CHFR: variants seen among roughly 807,000 people sequenced by gnomAD.
CHFR encodes E3 ubiquitin-protein ligase CHFR.
In CHFR, 57 loss-of-function variants were observed where a neutral mutation model predicts 87.6. The ratio of observed to expected loss-of-function variants is 0.65; its 90% CI spans 0.53 to 0.81. CHFR has a LOEUF of 0.81. CHFR is among the 30% of genes least tolerant of loss of function. CHFR has a pLI of 0.00. For synonymous variants in CHFR, 381 were observed against 359.2 expected, an observed-to-expected ratio of 1.06 and a Z score of -0.69; for missense variants, 797 against 865.8, an observed-to-expected ratio of 0.92 and a Z score of 1.00.
chr12:132,835,750 C>A lies in CHFR; in HGVS notation c.*5804G>T. On this transcript the variant is annotated 3_prime_UTR_variant, in exon 18 of 18. Coordinates refer to ENST00000450056, the MANE Select transcript of CHFR (RefSeq NM_001161346.2). ...TTTTGATCCAGCGGCCCAAGTGGAC[C>A]CACATTCAAGGCCAGCACTGGGCAG... 3.7e-6 allele frequency: 1 copy of A among 270,578 alleles called. No homozygotes were observed. 16.8% of individuals were successfully genotyped at this position (270,578 alleles called of 1,614,324 possible).
At chr12:132,880,038 C>T (rs1285145799) in intron 2 of CHFR, among the ~76,000 whole-genome samples, 1 of 152,050 alleles carries the variant, frequency 6.6e-6, no homozygotes, top group Admixed American at 6.6e-5. Flanking sequence ...AGTCAAAATC[C>T]CAGAGGGCTT....
chr12:132,859,051 G>T lies in CHFR; in HGVS notation c.911+17C>A. The T allele has an allele frequency of 6.2e-7, 1 of 1,608,834 alleles. No individual in the cohort carries two copies. The highest frequency in any genetic ancestry group is 8.5e-7 in the Non-Finnish European group (1 of 1,176,896). Reference sequence around the variant, plus strand: ...GCAGTGCCATGTTCCGTGAGCCAAGGGTGAACACGGTCGCACCTCACGCAG... The same window carrying T: ...GCAGTGCCATGTTCCGTGAGCCAAGTGTGAACACGGTCGCACCTCACGCAG... On this transcript the variant is annotated intron_variant, in intron 8 of 17. Coordinates refer to ENST00000450056, the MANE Select transcript of CHFR (RefSeq NM_001161346.2).
intron 2 of CHFR, among the ~76,000 whole-genome samples, chr12:132,878,582 C>T (rs1484237427): frequency 1.3e-5 from 2 of 150,120 alleles, no homozygotes; most frequent in African/African-American, 4.9e-5. Flanking sequence ...CGGTGGCTCA[C>T]ACCGAGGCGG....
intron 6 of CHFR, among the ~76,000 whole-genome samples, chr12:132,863,430 C>T (rs1722475703): frequency 6.6e-6 from 1 of 151,920 alleles, no homozygotes; most frequent in African/African-American, 2.4e-5. Context: ...TGCTTGAACC[C>T]AGGAGGCGGA....
chr12:132,871,982 A>C, intron 4 of CHFR: 1 of 325,810 alleles, frequency 3.1e-6, no homozygotes, highest in South Asian at 8.8e-5. Context: ...TATTCCCCAT[A>C]ACTCAAGTTC....
chr12:132,841,877 C>T (rs1433174710), intron 17 of CHFR, among the ~76,000 whole-genome samples: 2 of 152,042 alleles, frequency 1.3e-5, no homozygotes, highest in Non-Finnish European at 2.9e-5. Context: ...GAGGCCGAGG[C>T]GGGCGGATCA....
rs998173223 is a variant in CHFR at position 132,869,739 on chromosome 12, C to T, written c.463G>A (p.Ala155Thr). The change falls in exon 6 of 18, where the codon GCC becomes ACC. Residue 155 changes from alanine (A) to threonine (T), a missense_variant. Transcript: ENST00000450056. Reference protein sequence around the residue: ...ADPRVPPSSPATQVCFEEPQP... With the variant: ...ADPRVPPSSPTTQVCFEEPQP... ...GGTTCCTCAAAGCACACCTGAGTGGCGGGCGACGACGGAGGGACCCGGGGA... is the reference window on the plus strand; with the variant it reads ...GGTTCCTCAAAGCACACCTGAGTGGTGGGCGACGACGGAGGGACCCGGGGA... 29 of 1,551,392 alleles carry T rather than the reference C, an allele frequency of 1.9e-5. No individual in the cohort carries two copies. The highest frequency in any genetic ancestry group is 2.2e-5 in the Non-Finnish European group (25 of 1,146,984).
chr12:132,877,528 A>G (rs1951656225), intron 3 of CHFR, 27 bp downstream of exon 3: 1 of 1,509,400 alleles, frequency 6.6e-7, no homozygotes, highest in Non-Finnish European at 9.1e-7. Flanking sequence ...AAGAAGAAAC[A>G]CCAAAAGAAG....
At chr12:132,871,684 A>C (rs200833531) in intron 4 of CHFR, among the ~76,000 whole-genome samples, 1 of 151,982 alleles carries the variant, frequency 6.6e-6, no homozygotes, top group Non-Finnish European at 1.5e-5. Flanking sequence ...AGGCAGGAGA[A>C]TTGCTTGAAC....
At chr12:132,864,490 ATT>A (rs1318373661) in intron 6 of CHFR, among the ~76,000 whole-genome samples, 5 of 152,034 alleles carry the variant, frequency 3.3e-5, no homozygotes, top group Non-Finnish European at 7.4e-5. Flanking sequence ...ATTTTTTATT[ATT>A]TTTATTTTCT....
At chr12:132,882,929 T>C (rs61952828) in intron 2 of CHFR, 41,406 of 151,952 alleles carry the variant, frequency 0.27, 5,940 homozygotes, top group Middle Eastern at 0.43. Context: ...CTCAAACTCA[T>C]AGGGTCAAGA....
chr12:132,842,376 T>C (rs192892496), intron 17 of CHFR, among the ~76,000 whole-genome samples: 18 of 152,374 alleles, frequency 1.2e-4, no homozygotes, highest in Non-Finnish European at 2.2e-4. Flanking sequence ...CATGTGCTGT[T>C]TGTGCTCAAA....
intron 15 of CHFR, among the ~76,000 whole-genome samples, chr12:132,845,461 AAAAAAAAT>A (rs1473429049): frequency 7.7e-5 from 11 of 143,644 alleles, no homozygotes; most frequent in African/African-American, 2.4e-4. Flanking sequence ...CCATCTCAAA[AAAAAAAAT>A]AAATAAATAA....
intron 7 of CHFR, among the ~76,000 whole-genome samples, chr12:132,859,911 A>G (rs1268939388): frequency 6.6e-6 from 1 of 151,962 alleles, no homozygotes; most frequent in East Asian, 1.9e-4. Context: ...CAGCTATGGT[A>G]GCGTGCACCT....
chr12:132,841,832 G>C (rs554131476), intron 17 of CHFR, among the ~76,000 whole-genome samples: 1 of 152,066 alleles, frequency 6.6e-6, no homozygotes, highest in Non-Finnish European at 1.5e-5. Flanking sequence ...ATCTGGCCAC[G>C]CACAGTGGCT....
chr12:132,857,572 G>A lies in CHFR; in HGVS notation c.912-13C>T. ...GCAGGGCTGCAAACTGAAAGTGCAA[G>A]AGGAACAGTGTCCAGACAGTCCCAC... On this transcript the variant is annotated splice_polypyrimidine_tract_variant and intron_variant, in intron 8 of 17. Coordinates refer to ENST00000450056, the MANE Select transcript of CHFR (RefSeq NM_001161346.2). The A allele has an allele frequency of 6.2e-7, 1 of 1,612,778 alleles. No individual in the cohort carries two copies. The highest frequency in any genetic ancestry group is 8.5e-7 in the Non-Finnish European group (1 of 1,179,384).
chr12:132,857,331 C>A (rs1466483366), intron 9 of CHFR, 74 bp downstream of exon 9: 2 of 1,517,286 alleles, frequency 1.3e-6, no homozygotes, highest in Non-Finnish European at 1.8e-6. Context: ...TGGGTGGATG[C>A]CCTCACGTGC....
At chr12:132,851,833 C>T (rs1238342486) in intron 11 of CHFR, 96 bp from the exon 12 acceptor site, 2 of 1,417,450 alleles carry the variant, frequency 1.4e-6, no homozygotes, top group African/African-American at 1.4e-5. Context: ...AGGAGAGGTG[C>T]ACCTGAGACA....
chr12:132,878,070 G>A (rs1784889831), intron 2 of CHFR, among the ~76,000 whole-genome samples: 1 of 152,154 alleles, frequency 6.6e-6, no homozygotes, highest in Non-Finnish European at 1.5e-5. Context: ...CCAAAGTGCT[G>A]AGATTACAGG....
Sources: allele counts gnomAD v4.1 joint callset (sites outside exome capture counted in the v4.1 genomes callset), GRCh38; gene constraint gnomAD v4.1.1; transcripts MANE v1.5; gene names NCBI Gene and HGNC (gene_info 2026-07-23, HGNC 2026-07-21).